PHACTR1: variants seen among roughly 807,000 people sequenced by gnomAD.
The protein encoded by PHACTR1 is phosphatase and actin regulator 1.
In PHACTR1, 16 loss-of-function variants were observed where a neutral mutation model predicts 69.2. That is an observed-to-expected ratio of 0.23 (90% CI 0.16 to 0.35). The LOEUF is 0.35. PHACTR1 is among the 10% of genes least tolerant of loss of function. The pLI is 1.00. For synonymous variants in PHACTR1, 312 were observed against 284.5 expected (o/e 1.10, Z -0.97); for missense variants, 510 against 734.7 (o/e 0.69, Z 3.54).
At chr6:13,242,892 C>T (rs1305079705) in intron 10 of PHACTR1, among the ~76,000 whole-genome samples, 1 of 152,168 alleles carries the variant, frequency 6.6e-6, no homozygotes, top group Non-Finnish European at 1.5e-5. Flanking sequence ...GTGTGCACAG[C>T]TCTGTAATGG....
chr6:12,993,147 T>G (rs1053164736), intron 4 of PHACTR1, among the ~76,000 whole-genome samples: 2 of 152,212 alleles, frequency 1.3e-5, no homozygotes, highest in Non-Finnish European at 2.9e-5. Context: ...TTCAGGCCGT[T>G]TTTTGTTAGA....
chr6:12,748,079 A>C (rs1377031296), intron 3 of PHACTR1, among the ~76,000 whole-genome samples: 1 of 152,180 alleles, frequency 6.6e-6, no homozygotes, highest in Non-Finnish European at 1.5e-5. Flanking sequence ...AAATAACAGA[A>C]ACCAATGACG....
chr6:13,209,579 G>A (rs571556795), intron 8 of PHACTR1, among the ~76,000 whole-genome samples: 16 of 152,210 alleles, frequency 1.1e-4, no homozygotes, highest in Non-Finnish European at 2.4e-4. Context: ...AAGTTGAATG[G>A]TGAATTAAAC....
At chr6:12,798,215 A>AG (rs1303568627) in intron 4 of PHACTR1, among the ~76,000 whole-genome samples, 5 of 152,294 alleles carry the variant, frequency 3.3e-5, no homozygotes, top group African/African-American at 1.2e-4. Flanking sequence ...GAGGGAAGGA[A>AG]GGAAGAAAGA....
At chr6:12,841,683 G>C (rs980795212) in intron 4 of PHACTR1, among the ~76,000 whole-genome samples, 4 of 152,090 alleles carry the variant, frequency 2.6e-5, no homozygotes, top group African/African-American at 9.7e-5. Context: ...CTATCAAAAA[G>C]GGAGACTAGA....
At position 13,108,843 on chromosome 6, in the gene PHACTR1, T is replaced by C. The variant is rs182405857; in HGVS notation, c.416-51361T>C. Among the ~76,000 whole-genome samples, 426 of 152,210 alleles carry C rather than the reference T, an allele frequency of 2.8e-3. 1 individual carries two copies. Among genetic ancestry groups the C allele is most frequent in the Non-Finnish European group, 4.9e-3 (330 of 67,914 alleles). On this transcript the variant is annotated intron_variant, in intron 5 of 14. Coordinates refer to ENST00000332995, the MANE Select transcript of PHACTR1 (RefSeq NM_030948.6). ...GTTGGATCTCATCTACCATTCTTGC[T>C]ACTTATTTTCCATTTGTCTCATCTG...
At chr6:12,850,799 G>A (rs1018291334) in intron 4 of PHACTR1, among the ~76,000 whole-genome samples, 7 of 152,032 alleles carry the variant, frequency 4.6e-5, no homozygotes, top group East Asian at 1.9e-4. Context: ...GTGTCTTCAC[G>A]CCCTCTTCCT....
At chr6:13,236,344 G>A (rs1242794578) in intron 10 of PHACTR1, among the ~76,000 whole-genome samples, 4 of 152,114 alleles carry the variant, frequency 2.6e-5, no homozygotes, top group Non-Finnish European at 5.9e-5. Context: ...AAGCTACTTG[G>A]TGTATTCATT....
intron 4 of PHACTR1, among the ~76,000 whole-genome samples, chr6:13,008,159 G>A (rs1482008849): frequency 2.0e-5 from 3 of 152,166 alleles, no homozygotes; most frequent in Non-Finnish European, 4.4e-5. Context: ...ATTTGATCAA[G>A]AGATAATAAG....
intron 3 of PHACTR1, among the ~76,000 whole-genome samples, chr6:12,748,088 C>G (rs1435918458): frequency 6.6e-6 from 1 of 151,962 alleles, no homozygotes; most frequent in Admixed American, 6.6e-5. Context: ...AAACCAATGA[C>G]GGGGATGAAA....
intron 7 of PHACTR1, among the ~76,000 whole-genome samples, chr6:13,184,378 T>G (rs1762566978): frequency 6.6e-6 from 1 of 152,182 alleles, no homozygotes; most frequent in African/African-American, 2.4e-5. Context: ...GCGAGGCTGC[T>G]GGCATTCAGT....
At chr6:12,977,605 G>T (rs992082954) in intron 4 of PHACTR1, among the ~76,000 whole-genome samples, 2 of 152,212 alleles carry the variant, frequency 1.3e-5, no homozygotes, top group Non-Finnish European at 2.9e-5. Context: ...TGAATCATTT[G>T]ATTAGCAATG....
intron 5 of PHACTR1, among the ~76,000 whole-genome samples, chr6:13,144,770 CAGAAA>C (rs1561895341): frequency 4.0e-4 from 7 of 17,366 alleles, no homozygotes; most frequent in Non-Finnish European, 9.2e-4. Context: ...GACCCTGTCT[CAGAAA>C]AAAAAAAAAA....
intron 4 of PHACTR1, among the ~76,000 whole-genome samples, chr6:12,847,183 T>C (rs890548275): frequency 6.6e-6 from 1 of 152,194 alleles, no homozygotes; most frequent in East Asian, 1.9e-4. Context: ...TGCTGCATGG[T>C]CTTCATAGTT....
intron 4 of PHACTR1, among the ~76,000 whole-genome samples, chr6:12,934,430 G>GTAAAATT (rs1789218923): frequency 6.6e-6 from 1 of 152,208 alleles, no homozygotes; most frequent in Non-Finnish European, 1.5e-5. Flanking sequence ...ATGTCAGTGT[G>GTAAAATT]TAAAATTTAC....
chr6:13,221,193 C>T (rs1768554737), intron 8 of PHACTR1, among the ~76,000 whole-genome samples: 1 of 152,100 alleles, frequency 6.6e-6, no homozygotes, highest in African/African-American at 2.4e-5. Context: ...CAGGGAAGTC[C>T]ACAGGGTACT....
intron 10 of PHACTR1, among the ~76,000 whole-genome samples, chr6:13,252,339 A>G (rs1397840408): frequency 2.6e-5 from 4 of 151,368 alleles, no homozygotes; most frequent in Non-Finnish European, 4.4e-5. Flanking sequence ...AAAAAAAAAA[A>G]AAAAGAAAAA....
At chr6:13,215,352 C>T (rs890002867) in intron 8 of PHACTR1, among the ~76,000 whole-genome samples, 8 of 152,098 alleles carry the variant, frequency 5.3e-5, no homozygotes, top group Admixed American at 1.3e-4. Flanking sequence ...CTATGAAATT[C>T]GGAGTTGTCT....
intron 4 of PHACTR1, among the ~76,000 whole-genome samples, chr6:12,949,664 C>T (rs563181364): frequency 6.6e-6 from 1 of 152,012 alleles, no homozygotes; most frequent in Admixed American, 6.6e-5. Context: ...TATATAAACC[C>T]TGATATAAAA....
Sources: allele counts gnomAD v4.1 joint callset (sites outside exome capture counted in the v4.1 genomes callset), GRCh38; gene constraint gnomAD v4.1.1; transcripts MANE v1.5; gene names NCBI Gene and HGNC (gene_info 2026-07-23, HGNC 2026-07-21).